Variants in OSBPL6 observed in about 807,000 individuals in gnomAD.
The protein encoded by OSBPL6 is oxysterol binding protein like 6, also known as oxysterol-binding protein-related protein 6.
Under a neutral mutation model 125.8 loss-of-function variants are expected in OSBPL6, and 49 were observed. The observed-to-expected ratio is 0.39, with a 90% CI of 0.31 to 0.49. The LOEUF (loss-of-function observed/expected upper bound fraction) is 0.49. OSBPL6 is among the 20% of genes least tolerant of loss of function. OSBPL6 has a pLI of 0.88. For synonymous variants in OSBPL6, 394 were observed against 391.8 expected (o/e 1.01, Z -0.07); for missense variants, 986 against 1,135.4 (o/e 0.87, Z 1.89).
At chr2:178,386,350 T>C (rs6736173) in intron 19 of OSBPL6, among the ~76,000 whole-genome samples, 7,965 of 152,278 alleles carry the variant, frequency 0.052, 336 homozygotes, top group East Asian at 0.19. Context: ...TAAGTTTCCA[T>C]ACGTAAAACA....
intron 21 of OSBPL6, among the ~76,000 whole-genome samples, chr2:178,390,048 G>A (rs1383577983): frequency 6.6e-6 from 1 of 152,148 alleles, no homozygotes; most frequent in Non-Finnish European, 1.5e-5. Context: ...GCTCTGGCTG[G>A]GTGATGATGT....
At chr2:178,221,376 G>T (rs904802254) in intron 1 of OSBPL6, among the ~76,000 whole-genome samples, 1 of 152,186 alleles carries the variant, frequency 6.6e-6, no homozygotes, top group African/African-American at 2.4e-5. Context: ...AGTACTACTT[G>T]AAAGAATGCA....
intron 11 of OSBPL6, chr2:178,344,252 G>A (rs1257136503): frequency 1.9e-6 from 3 of 1,576,280 alleles, no homozygotes; most frequent in East Asian, 2.2e-5. Flanking sequence ...CCCCCGTCCT[G>A]TGTTTCCTCC....
At chr2:178,224,661 G>A (rs2090476145) in intron 1 of OSBPL6, among the ~76,000 whole-genome samples, 1 of 152,228 alleles carries the variant, frequency 6.6e-6, no homozygotes, top group Non-Finnish European at 1.5e-5. Flanking sequence ...CTGGCCAGGT[G>A]TGGTGGCTTA....
At chr2:178,365,770 A>G (rs1407408245) in intron 13 of OSBPL6, among the ~76,000 whole-genome samples, 1 of 152,126 alleles carries the variant, frequency 6.6e-6, no homozygotes, top group Non-Finnish European at 1.5e-5. Flanking sequence ...TGAAACTTAA[A>G]CTTTCACACT....
intron 1 of OSBPL6, among the ~76,000 whole-genome samples, chr2:178,197,783 A>G (rs547505419): frequency 1.6e-4 from 24 of 152,368 alleles, no homozygotes; most frequent in African/African-American, 5.3e-4. Context: ...TGTATTAAAA[A>G]AAAAGAAAGA....
chr2:178,384,943 G>A (rs1384193666), intron 18 of OSBPL6, among the ~76,000 whole-genome samples: 1 of 151,980 alleles, frequency 6.6e-6, no homozygotes, highest in South Asian at 2.1e-4. Flanking sequence ...GTGGTCCTGA[G>A]ATTTATTTTC....
chr2:178,296,685 C>T (rs539342684), intron 2 of OSBPL6, among the ~76,000 whole-genome samples: 1 of 152,258 alleles, frequency 6.6e-6, no homozygotes, highest in East Asian at 1.9e-4. Context: ...CACATAGCTC[C>T]TGAGCTAGTG....
chr2:178,265,717 A>G (rs1485461020), intron 1 of OSBPL6, among the ~76,000 whole-genome samples: 2 of 152,152 alleles, frequency 1.3e-5, no homozygotes, highest in African/African-American at 4.8e-5. Flanking sequence ...TAAATCTGAC[A>G]AGACTGAAGC....
intron 12 of OSBPL6, among the ~76,000 whole-genome samples, chr2:178,357,482 A>T (rs1056524309): frequency 5.3e-5 from 8 of 152,246 alleles, no homozygotes; most frequent in Admixed American, 3.9e-4. Flanking sequence ...CACATGAAAA[A>T]ATGCTCATCA....
chr2:178,317,098 A>G (rs1177317551), intron 3 of OSBPL6, among the ~76,000 whole-genome samples: 1 of 152,064 alleles, frequency 6.6e-6, no homozygotes, highest in South Asian at 2.1e-4. Flanking sequence ...TCTGCAAAGA[A>G]TGTGTTTCTC....
intron 12 of OSBPL6, among the ~76,000 whole-genome samples, chr2:178,352,909 A>G (rs62176086): frequency 0.01 from 1,590 of 152,286 alleles, 38 homozygotes; most frequent in Non-Finnish European, 9.7e-3. Context: ...TCAGGCAGCA[A>G]TATTTGCTGT....
chr2:178,249,654 G>GCT (rs1559161063), intron 1 of OSBPL6, among the ~76,000 whole-genome samples: 1 of 151,970 alleles, frequency 6.6e-6, no homozygotes, highest in Non-Finnish European at 1.5e-5. Context: ...CTCTATGTAG[G>GCT]CTCATTTCTT....
intron 9 of OSBPL6, among the ~76,000 whole-genome samples, chr2:178,337,157 C>T (rs911227748): frequency 1.3e-4 from 20 of 151,984 alleles, no homozygotes; most frequent in African/African-American, 2.7e-4. Flanking sequence ...CCTTCAAAAC[C>T]GAGAAAAACA....
intron 1 of OSBPL6, among the ~76,000 whole-genome samples, chr2:178,224,054 A>G (rs921802595): frequency 6.6e-6 from 1 of 152,208 alleles, no homozygotes; most frequent in Non-Finnish European, 1.5e-5. Context: ...GGAACGCCGC[A>G]TCTGAAGGGA....
At chr2:178,317,770 A>G (rs1687890583) in intron 3 of OSBPL6, among the ~76,000 whole-genome samples, 1 of 151,800 alleles carries the variant, frequency 6.6e-6, no homozygotes, top group Non-Finnish European at 1.5e-5. Flanking sequence ...AAAATCACGT[A>G]AGTGATTATC....
chr2:178,215,560 G>T (rs1197249320), intron 1 of OSBPL6, among the ~76,000 whole-genome samples: 1 of 152,132 alleles, frequency 6.6e-6, no homozygotes, highest in Non-Finnish European at 1.5e-5. Flanking sequence ...GACGGTGAGA[G>T]AGACCTAGTT....
At chr2:178,301,164 C>T (rs1686241443) in intron 2 of OSBPL6, among the ~76,000 whole-genome samples, 1 of 151,746 alleles carries the variant, frequency 6.6e-6, no homozygotes, top group African/African-American at 2.4e-5. Context: ...TATTTAATCA[C>T]TTGCAAGCAG....
At chr2:178,333,938 T>C (rs1689447922) in intron 8 of OSBPL6, among the ~76,000 whole-genome samples, 1 of 152,170 alleles carries the variant, frequency 6.6e-6, no homozygotes, top group African/African-American at 2.4e-5. Context: ...AGAAGTGACA[T>C]AGCCATTAAA....
Sources: allele counts gnomAD v4.1 joint callset (sites outside exome capture counted in the v4.1 genomes callset), GRCh38; gene constraint gnomAD v4.1.1; transcripts MANE v1.5; gene names NCBI Gene and HGNC (gene_info 2026-07-23, HGNC 2026-07-21).